AFAP1L2: variants seen among roughly 807,000 people sequenced by gnomAD.
The protein encoded by AFAP1L2 is actin filament-associated protein 1-like 2.
In AFAP1L2, 46 loss-of-function variants were observed where a neutral mutation model predicts 99.3. The ratio of observed to expected loss-of-function variants is 0.46; its 90% CI spans 0.37 to 0.59. The LOEUF is 0.59. AFAP1L2 is among the 20% of genes least tolerant of loss of function. The pLI, the probability that AFAP1L2 is intolerant of heterozygous loss-of-function variation, is 0.00. For missense variants in AFAP1L2, 959 were observed against 1,034.9 expected (o/e 0.93, Z 1.01); for synonymous variants, 397 against 419.1 (o/e 0.95, Z 0.64).
At chr10:114,337,453 T>C (rs1423407605) in intron 2 of AFAP1L2, among the ~76,000 whole-genome samples, 2 of 152,238 alleles carry the variant, frequency 1.3e-5, no homozygotes, top group East Asian at 3.8e-4. Flanking sequence ...ACAGTGGCTA[T>C]TAACAAGTGG....
At chr10:114,320,374 A>G (rs1317828350) in intron 5 of AFAP1L2, among the ~76,000 whole-genome samples, 1 of 152,228 alleles carries the variant, frequency 6.6e-6, no homozygotes, top group African/African-American at 2.4e-5. Context: ...GCCGCCAACT[A>G]TAGCAAGGGG....
rs56868552 is a variant in AFAP1L2 at position 114,352,367 on chromosome 10, G to A, written c.17-11636C>T. ...TGCAAGCCTGTAGTCCCAGCTAGTC[G>A]GGAGGCTGAGGCAGGAGAATCGCTT... On this transcript the variant is annotated intron_variant, in intron 1 of 18. Coordinates refer to ENST00000304129, the MANE Select transcript of AFAP1L2 (RefSeq NM_001001936.3). Among the ~76,000 whole-genome samples, 796 of 151,202 alleles carry A rather than the reference G, an allele frequency of 5.3e-3. 14 individuals carry two copies. The highest frequency in any genetic ancestry group is 0.018 in the African/African-American group (742 of 41,314).
At chr10:114,301,645 T>G (rs945589700) in intron 12 of AFAP1L2, 180 bp from the exon 13 acceptor site, 22 of 578,140 alleles carry the variant, frequency 3.8e-5, no homozygotes, top group Non-Finnish European at 6.5e-5. Flanking sequence ...TCCCAGTGCC[T>G]TCTTCCTGAA....
chr10:114,335,310 T>TAAAA (rs1164594494), intron 2 of AFAP1L2, among the ~76,000 whole-genome samples: 5 of 151,794 alleles, frequency 3.3e-5, no homozygotes, highest in African/African-American at 1.2e-4. Context: ...TTTTTTTTTT[T>TAAAA]AAAAAAAGAA....
At position 114,302,397 on chromosome 10, in the gene AFAP1L2, C is replaced by T. The variant is rs756020219; in HGVS notation, c.1372G>A (p.Asp458Asn). 1.9e-6 allele frequency: 3 copies of T among 1,614,160 alleles called. No homozygotes were observed. Among genetic ancestry groups the T allele is most frequent in the South Asian group, 1.1e-5 (1 of 91,080 alleles). Reference sequence around the variant, plus strand: ...GAGACCCTATCGGCATCCACATAGTCGTAGGTGAACTCTTCTGGGTCTGTC... The same window carrying T: ...GAGACCCTATCGGCATCCACATAGTTGTAGGTGAACTCTTCTGGGTCTGTC... ...SKTDPEEFTY[D>N]YVDADRVSCI... Residue 458 changes from aspartate (D) to asparagine (N), a missense_variant, in exon 12 of 19, where the codon GAC becomes AAC. Transcript: ENST00000304129.
chr10:114,320,048 A>G (rs1373781673), intron 5 of AFAP1L2, among the ~76,000 whole-genome samples: 1 of 152,180 alleles, frequency 6.6e-6, no homozygotes, highest in African/African-American at 2.4e-5. Flanking sequence ...AATCTACATG[A>G]GGATGAGTAA....
At chr10:114,287,334 C>T in the AFAP1L2 span, among the ~76,000 whole-genome samples, 2 of 152,112 alleles carry the variant, frequency 1.3e-5, no homozygotes, top group Non-Finnish European at 2.9e-5. Flanking sequence ...GTGCACACCA[C>T]CATGCCCAGC....
intron 1 of AFAP1L2, among the ~76,000 whole-genome samples, chr10:114,348,368 T>C (rs2049922144): frequency 6.6e-6 from 1 of 152,220 alleles, no homozygotes; most frequent in African/African-American, 2.4e-5. Context: ...GTGCCTTTTA[T>C]AGGCAGCCCT....
the AFAP1L2 span, among the ~76,000 whole-genome samples, chr10:114,283,955 C>T: frequency 1.3e-5 from 2 of 152,254 alleles, no homozygotes; most frequent in Non-Finnish European, 2.9e-5. Flanking sequence ...AAGAAAATGC[C>T]AGTCCCAGTT....
intron 1 of AFAP1L2, among the ~76,000 whole-genome samples, chr10:114,391,909 C>T (rs552116313): frequency 6.6e-6 from 1 of 152,320 alleles, no homozygotes; most frequent in South Asian, 2.1e-4. Flanking sequence ...TACAGAGGGG[C>T]TCAGGCTTTC....
chr10:114,348,059 T>G (rs2049873090), intron 1 of AFAP1L2, among the ~76,000 whole-genome samples: 1 of 152,190 alleles, frequency 6.6e-6, no homozygotes, highest in African/African-American at 2.4e-5. Flanking sequence ...ATATACATTT[T>G]GCATCTGGCT....
the AFAP1L2 span, chr10:114,285,056 G>C: frequency 8.8e-7 from 1 of 1,135,126 alleles, no homozygotes; most frequent in Non-Finnish European, 1.2e-6. Context: ...CCTTCCAGCT[G>C]CTGGGTAGAA....
chr10:114,290,366 G>T, downstream of AFAP1L2: 2 of 1,550,458 alleles, frequency 1.3e-6, no homozygotes, highest in Non-Finnish European at 1.7e-6. Flanking sequence ...TGCGAGAACC[G>T]TGAGTGGAGC....
chr10:114,285,665 G>C, the AFAP1L2 span, among the ~76,000 whole-genome samples: 1 of 152,214 alleles, frequency 6.6e-6, no homozygotes, highest in Non-Finnish European at 1.5e-5. Context: ...AGATTTCTCA[G>C]GACACACACA....
intron 3 of AFAP1L2, among the ~76,000 whole-genome samples, chr10:114,332,888 TA>T (rs771669657): frequency 4.6e-5 from 7 of 152,198 alleles, no homozygotes; most frequent in Non-Finnish European, 7.3e-5. Flanking sequence ...TCAAAAGACA[TA>T]AAGGCAGAAC....
At chr10:114,361,180 A>G (rs2052354176) in intron 1 of AFAP1L2, among the ~76,000 whole-genome samples, 1 of 152,154 alleles carries the variant, frequency 6.6e-6, no homozygotes, top group East Asian at 1.9e-4. Context: ...TCATGATTCA[A>G]TTACCTCCCA....
At chr10:114,404,723 C>A (rs767669320), upstream of AFAP1L2, 195 of 353,920 alleles carry the variant, frequency 5.5e-4, no homozygotes, top group Non-Finnish European at 8.9e-4. Context: ...TGCGCGCCCG[C>A]GGCCCCGCTC....
intron 10 of AFAP1L2, among the ~76,000 whole-genome samples, chr10:114,307,235 G>A (rs984626175): frequency 4.6e-5 from 7 of 151,934 alleles, no homozygotes; most frequent in African/African-American, 1.2e-4. Flanking sequence ...TCATAGTCTC[G>A]GTTGTTCCCA....
At chr10:114,294,381 C>T (rs2039877184), downstream of AFAP1L2, among the ~76,000 whole-genome samples, 1 of 152,006 alleles carries the variant, frequency 6.6e-6, no homozygotes, top group Admixed American at 6.6e-5. Flanking sequence ...GTATTAAGGC[C>T]TCCATTTCAG....
Sources: allele counts gnomAD v4.1 joint callset (sites outside exome capture counted in the v4.1 genomes callset), GRCh38; gene constraint gnomAD v4.1.1; transcripts MANE v1.5; gene names NCBI Gene and HGNC (gene_info 2026-07-23, HGNC 2026-07-21).